DARS1: variants seen among roughly 807,000 people sequenced by gnomAD.
The protein encoded by DARS1 is aspartate--tRNA ligase, cytoplasmic.
Under a neutral mutation model 68.8 loss-of-function variants are expected in DARS1, and 51 were observed. That is an observed-to-expected ratio of 0.74 (90% CI 0.59 to 0.94). The LOEUF is 0.94. Ranked by LOEUF, DARS1 falls within the 40% of genes least tolerant of loss-of-function variation. The pLI is 0.00. For synonymous variants in DARS1, 203 were observed against 190.4 expected (o/e 1.07, Z -0.55); for missense variants, 607 against 597.3 (o/e 1.02, Z -0.17).
intron 4 of DARS1, among the ~76,000 whole-genome samples, chr2:135,956,864 A>G (rs2104830030): frequency 6.6e-6 from 1 of 151,946 alleles, no homozygotes; most frequent in Non-Finnish European, 1.5e-5. Context: ...CCCAGATTCC[A>G]GCAATTCTCC....
intron 5 of DARS1, among the ~76,000 whole-genome samples, chr2:135,942,208 C>T (rs1391651279): frequency 3.3e-5 from 5 of 152,004 alleles, no homozygotes; most frequent in Admixed American, 6.6e-5. Flanking sequence ...TGCACACGTA[C>T]GTTTATTGCG....
rs112849402 is a variant in DARS1 at position 135,958,562 on chromosome 2, G to A, written c.320+2834C>T. On this transcript the variant is annotated intron_variant, in intron 4 of 15. Transcript: ENST00000264161. ...GGATCAGGATTTCTGAACTATCTTA[G>A]AAGTATAGGTTACATCACACAGAAA... Among the ~76,000 whole-genome samples the A allele has an allele frequency of 1.8e-3, 270 of 152,242 alleles. 1 individual carries two copies. The highest frequency in any genetic ancestry group is 5.7e-3 in the African/African-American group (236 of 41,532).
intron 8 of DARS1, among the ~76,000 whole-genome samples, chr2:135,924,163 T>TACAATCATTATC (rs1297152814): frequency 1.3e-5 from 2 of 152,242 alleles, no homozygotes; most frequent in Non-Finnish European, 2.9e-5. Flanking sequence ...TGCCTCACAT[T>TACAATCATTATC]ACAATCATTA....
At chr2:135,979,396 G>A in intron 2 of DARS1, 30 bp from the exon 3 acceptor site, 1 of 886,462 alleles carries the variant, frequency 1.1e-6, no homozygotes, top group Non-Finnish European at 1.9e-6. Flanking sequence ...TTTTTATATA[G>A]TAAAATAATT....
intron 4 of DARS1, among the ~76,000 whole-genome samples, chr2:135,960,071 C>T (rs1682067600): frequency 6.6e-6 from 1 of 152,078 alleles, no homozygotes; most frequent in African/African-American, 2.4e-5. Flanking sequence ...TCATAGGATA[C>T]ACACTAACCT....
At chr2:135,915,320 C>CTA (rs922210562) in intron 11 of DARS1, among the ~76,000 whole-genome samples, 30 of 152,166 alleles carry the variant, frequency 2.0e-4, no homozygotes, top group African/African-American at 7.2e-4. Flanking sequence ...GGCTTTCACT[C>CTA]TGTCACCCAG....
intron 5 of DARS1, among the ~76,000 whole-genome samples, chr2:135,939,625 C>T (rs1681552167): frequency 6.6e-6 from 1 of 152,126 alleles, no homozygotes; most frequent in African/African-American, 2.4e-5. Flanking sequence ...CAAACACATT[C>T]AAAAGCTAGC....
In DARS1 at chr2:135,983,458, CAAAA is replaced by C. The variant is rs766794434; in HGVS notation, c.67-8_67-5del. ...CATATCTCTCTTTAGCATAATCCTA[CAAAA>C]AAAGTTTTTTGCATCGTGACTTTTT... On this transcript the variant is annotated splice_region_variant and splice_polypyrimidine_tract_variant and intron_variant, in intron 1 of 15. Coordinates refer to ENST00000264161, the MANE Select transcript of DARS1 (RefSeq NM_001349.4). 1 of 1,109,846 alleles carries C rather than the reference CAAAA, an allele frequency of 9.0e-7. No individual in the cohort carries two copies. The highest frequency in any genetic ancestry group is 1.4e-6 in the Non-Finnish European group (1 of 739,024). The allele number at this position is 1,109,846 out of a possible 1,614,324, so 68.7% of individuals were successfully genotyped here.
At chr2:135,954,244 A>C (rs765052545) in intron 4 of DARS1, among the ~76,000 whole-genome samples, 1 of 151,494 alleles carries the variant, frequency 6.6e-6, no homozygotes, top group Admixed American at 6.6e-5. Context: ...CCAGAATCTA[A>C]GAGACCTTAG....
chr2:135,949,027 G>A (rs565783160), intron 4 of DARS1, among the ~76,000 whole-genome samples: 6 of 152,186 alleles, frequency 3.9e-5, no homozygotes, highest in Admixed American at 2.6e-4. Flanking sequence ...AAACATACTT[G>A]TGACTCATCA....
At chr2:135,950,535 A>G (rs1681818899) in intron 4 of DARS1, among the ~76,000 whole-genome samples, 1 of 152,230 alleles carries the variant, frequency 6.6e-6, no homozygotes, top group South Asian at 2.1e-4. Context: ...TTTAAGCAAC[A>G]GAACTCACTA....
intron 8 of DARS1, among the ~76,000 whole-genome samples, chr2:135,924,107 G>A (rs1681162859): frequency 6.6e-6 from 1 of 152,202 alleles, no homozygotes; most frequent in Non-Finnish European, 1.5e-5. Flanking sequence ...AATGAAAGTA[G>A]TTCCTGGTGT....
intron 4 of DARS1, among the ~76,000 whole-genome samples, chr2:135,949,654 T>G (rs1414650882): frequency 6.6e-6 from 1 of 152,214 alleles, no homozygotes. Flanking sequence ...TGTAACTCAT[T>G]CAATTGCTTC....
chr2:135,911,250 A>C, intron 14 of DARS1, 40 bp from the exon 15 acceptor site: 1 of 1,080,058 alleles, frequency 9.3e-7, no homozygotes, highest in East Asian at 2.4e-5. Flanking sequence ...TTATCATCTT[A>C]TTTATCTTAA....
intron 9 of DARS1, among the ~76,000 whole-genome samples, chr2:135,921,515 T>C (rs1681110039): frequency 6.6e-6 from 1 of 152,156 alleles, no homozygotes; most frequent in African/African-American, 2.4e-5. Flanking sequence ...TTCTCTCTTT[T>C]TACAGTTACT....
At chr2:135,976,879 G>A (rs1682513452) in intron 3 of DARS1, among the ~76,000 whole-genome samples, 1 of 151,834 alleles carries the variant, frequency 6.6e-6, no homozygotes, top group Non-Finnish European at 1.5e-5. Context: ...TCACTTACGT[G>A]ATGCTTCATA....
intron 3 of DARS1, among the ~76,000 whole-genome samples, chr2:135,969,167 C>T (rs1359297799): frequency 6.6e-6 from 1 of 152,006 alleles, no homozygotes. Context: ...TGGAGAAATA[C>T]TACCTCGTGT....
At chr2:135,951,468 T>C (rs1307004302) in intron 4 of DARS1, among the ~76,000 whole-genome samples, 1 of 152,234 alleles carries the variant, frequency 6.6e-6, no homozygotes, top group Non-Finnish European at 1.5e-5. Flanking sequence ...AAGATTCATG[T>C]TTTATCCATT....
chr2:135,959,220 C>T (rs909395311), intron 4 of DARS1, among the ~76,000 whole-genome samples: 10 of 151,476 alleles, frequency 6.6e-5, no homozygotes, highest in Non-Finnish European at 8.8e-5. Flanking sequence ...GGAGAAACCT[C>T]GTCTCTACTA....
Sources: gnomAD v4.1 joint callset for allele counts (sites outside exome capture counted in the v4.1 genomes callset) on GRCh38, gnomAD v4.1.1 for gene constraint, MANE v1.5 for transcripts, NCBI Gene and HGNC (gene_info 2026-07-23, HGNC 2026-07-21) for gene names.